The following GRIN2A variants were observed in gnomAD, a reference collection of about 807,000 sequenced individuals.
GRIN2A encodes the protein glutamate ionotropic receptor NMDA type subunit 2A.
GRIN2A carries 22 observed loss-of-function variants against 113.4 expected under a neutral mutation model. The ratio of observed to expected loss-of-function variants is 0.19; its 90% CI spans 0.14 to 0.28. GRIN2A has a LOEUF of 0.28. Among genes scored for constraint, GRIN2A ranks in the 10% least tolerant of loss-of-function variants. The pLI is 1.00. For missense variants in GRIN2A, 1,502 were observed against 1,887.0 expected (o/e 0.80, Z 3.78); for synonymous variants, 827 against 738.4 (o/e 1.12, Z -1.94).
chr16:10,136,540 T>C (rs935215392), intron 2 of GRIN2A, among the ~76,000 whole-genome samples: 1 of 151,786 alleles, frequency 6.6e-6, no homozygotes, highest in Admixed American at 6.6e-5. Context: ...AGGTTAAAGA[T>C]ACTGATTAAT....
chr16:9,820,239 A>C (rs929112005), intron 10 of GRIN2A, among the ~76,000 whole-genome samples: 1 of 152,256 alleles, frequency 6.6e-6, no homozygotes, highest in Non-Finnish European at 1.5e-5. Context: ...GCTAGGCATC[A>C]ACCACTGTCT....
In GRIN2A at chr16:9,798,304, G is replaced by A. The variant is rs1013991339; in HGVS notation, c.2329C>T (p.Leu777=). The change falls in exon 11 of 13, where the codon CTG becomes TTG. Residue 777 remains leucine, a synonymous_variant. Transcript: ENST00000330684. The part of the protein sequence containing the change: ...KGSPWKRQID[L]ALLQFVGDGE... ...TCACCCACAAACTGAAGCAAGGCCAGGTCGATCTGCCTCTTCCAAGGAGAG... is the reference window on the plus strand; with the variant it reads ...TCACCCACAAACTGAAGCAAGGCCAAGTCGATCTGCCTCTTCCAAGGAGAG... The A allele has an allele frequency of 2.5e-6, 4 of 1,614,008 alleles. No individual in the cohort carries two copies. The highest frequency in any genetic ancestry group is 3.4e-6 in the Non-Finnish European group (4 of 1,179,962).
At chr16:10,159,562 G>A (rs2049770645) in intron 2 of GRIN2A, among the ~76,000 whole-genome samples, 1 of 152,172 alleles carries the variant, frequency 6.6e-6, no homozygotes, top group African/African-American at 2.4e-5. Flanking sequence ...TCATCAATGA[G>A]GCTGGAGTGA....
chr16:9,839,568 C>G (rs910527237), intron 7 of GRIN2A, among the ~76,000 whole-genome samples: 10 of 152,116 alleles, frequency 6.6e-5, no homozygotes. Context: ...AATCATCGTG[C>G]AGTCATCATT....
intron 2 of GRIN2A, among the ~76,000 whole-genome samples, chr16:10,003,260 G>T (rs1691021211): frequency 6.6e-6 from 1 of 152,130 alleles, no homozygotes; most frequent in African/African-American, 2.4e-5. Flanking sequence ...AATGGGAGAG[G>T]CATGGAATGG....
chr16:9,962,586 T>A (rs1246788144), intron 2 of GRIN2A, among the ~76,000 whole-genome samples: 1 of 152,086 alleles, frequency 6.6e-6, no homozygotes, highest in African/African-American at 2.4e-5. Context: ...CCAGTTAGAA[T>A]GGCGATCATT....
At chr16:10,036,437 C>CTTTT (rs1360199200) in intron 2 of GRIN2A, among the ~76,000 whole-genome samples, 21 of 92,632 alleles carry the variant, frequency 2.3e-4, no homozygotes, top group Non-Finnish European at 3.2e-4. Flanking sequence ...TTAGTACTTA[C>CTTTT]TTTTTTTTTT....
chr16:10,148,297 T>G (rs903729540), intron 2 of GRIN2A, among the ~76,000 whole-genome samples: 2 of 152,232 alleles, frequency 1.3e-5, no homozygotes, highest in Non-Finnish European at 2.9e-5. Flanking sequence ...TCCTATGGCC[T>G]GCAAAGCCTA....
intron 2 of GRIN2A, among the ~76,000 whole-genome samples, chr16:10,115,783 C>T (rs1035483256): frequency 6.6e-6 from 1 of 152,130 alleles, no homozygotes; most frequent in Non-Finnish European, 1.5e-5. Flanking sequence ...CAAGCAAATA[C>T]TGGGGATGGA....
intron 2 of GRIN2A, chr16:10,111,779 C>T (rs2142148068): frequency 6.8e-7 from 1 of 1,466,994 alleles, no homozygotes; most frequent in East Asian, 2.3e-5. Flanking sequence ...GTGCTGGAGG[C>T]CAAGATCCGG....
At chr16:9,996,989 T>G (rs1467727315) in intron 2 of GRIN2A, among the ~76,000 whole-genome samples, 1 of 152,224 alleles carries the variant, frequency 6.6e-6, no homozygotes, top group Non-Finnish European at 1.5e-5. Flanking sequence ...TTTACACAAC[T>G]TAAGTCATGC....
At chr16:10,091,838 G>C (rs1308834103) in intron 2 of GRIN2A, among the ~76,000 whole-genome samples, 1 of 152,148 alleles carries the variant, frequency 6.6e-6, no homozygotes. Flanking sequence ...GAGACAGAAA[G>C]TGGATCAGTG....
intron 2 of GRIN2A, among the ~76,000 whole-genome samples, chr16:9,996,324 T>A (rs1362056945): frequency 6.6e-6 from 1 of 152,178 alleles, no homozygotes. Flanking sequence ...CCACATTGCA[T>A]TGCGTGAAAC....
intron 4 of GRIN2A, among the ~76,000 whole-genome samples, chr16:9,854,979 C>G (rs1364909467): frequency 6.9e-6 from 1 of 145,452 alleles, no homozygotes; most frequent in Non-Finnish European, 1.5e-5. Context: ...ACAACCAGGA[C>G]AGGCAAGCAC....
chr16:9,919,695 A>C (rs1438360396), intron 3 of GRIN2A, among the ~76,000 whole-genome samples: 4 of 152,222 alleles, frequency 2.6e-5, no homozygotes, highest in Non-Finnish European at 4.4e-5. Flanking sequence ...AAACTCTCCA[A>C]AGACTTTTCA....
intron 2 of GRIN2A, among the ~76,000 whole-genome samples, chr16:9,984,910 A>G (rs140784998): frequency 1.6e-3 from 236 of 152,230 alleles, no homozygotes; most frequent in African/African-American, 5.1e-3. Context: ...CTCTGCTGCT[A>G]TCTTCCAGAT....
chr16:10,141,428 C>G (rs1327938982), intron 2 of GRIN2A, among the ~76,000 whole-genome samples: 1 of 151,906 alleles, frequency 6.6e-6, no homozygotes, highest in Non-Finnish European at 1.5e-5. Context: ...GCAGAGGTTG[C>G]AGTGAGCCGA....
chr16:10,037,187 TGGTC>T (rs1319041873), intron 2 of GRIN2A: 2 of 152,146 alleles, frequency 1.3e-5, no homozygotes, highest in African/African-American at 2.4e-5. Context: ...CATGCTGACC[TGGTC>T]GGTCATTTAA....
At position 9,760,374 on chromosome 16, in the gene GRIN2A, A is replaced by ATTTGTTT. The variant is rs1900528507; in HGVS notation, c.*2774_*2775insAAACAAA. On this transcript the variant is annotated 3_prime_UTR_variant, in exon 13 of 13. Transcript: ENST00000330684. ...AAATTGACCATCTGATCAGTAGTTG[A>ATTTGTTT]TTTTTTTTTTTTTTTTTTTTTTTTG... 1.1e-5 allele frequency: 1 copy of ATTTGTTT among 89,550 alleles called. No individual in the cohort carries two copies. The highest frequency in any genetic ancestry group is 5.0e-5 in the African/African-American group (1 of 20,090). The allele number at this position is 89,550 out of a possible 1,614,324, so 5.5% of individuals were successfully genotyped here. A position where few individuals can be genotyped will look rare whatever the true frequency, so the allele number is the denominator to read the frequency against.
Sources: allele counts gnomAD v4.1 joint callset (sites outside exome capture counted in the v4.1 genomes callset), GRCh38; gene constraint gnomAD v4.1.1; transcripts MANE v1.5; gene names NCBI Gene and HGNC (gene_info 2026-07-23, HGNC 2026-07-21).